PRP4K: variants seen among roughly 807,000 people sequenced by gnomAD.
PRP4K encodes pre-mRNA processing factor kinase PRP4K, also known as serine/threonine-protein kinase PRP4 homolog.
the PRP4K span, among the ~76,000 whole-genome samples, chr6:4,047,890 T>C: frequency 8.6e-6 from 1 of 116,466 alleles, no homozygotes; most frequent in African/African-American, 3.2e-5. Flanking sequence ...AGATAAATAG[T>C]CATGTATATG....
chr6:4,054,488 C>T, the PRP4K span, among the ~76,000 whole-genome samples: 4 of 151,914 alleles, frequency 2.6e-5, no homozygotes, highest in Non-Finnish European at 5.9e-5. Context: ...ATTTGTGTGG[C>T]CAATTTCATA....
chr6:4,049,667 T>C, the PRP4K span: 2 of 1,479,902 alleles, frequency 1.4e-6, no homozygotes, highest in Middle Eastern at 2.5e-4. Flanking sequence ...GACTGCACTG[T>C]GTTTCCTACT....
chr6:4,047,093 C>G, the PRP4K span: 4 of 1,210,030 alleles, frequency 3.3e-6, no homozygotes, highest in Non-Finnish European at 4.9e-6. Flanking sequence ...GTTTGAATTA[C>G]TATTAATGAC....
the PRP4K span, among the ~76,000 whole-genome samples, chr6:4,047,844 G>A: frequency 6.6e-6 from 1 of 151,498 alleles, no homozygotes. Flanking sequence ...AGGAGGTAGA[G>A]AAGATAAATG....
the PRP4K span, among the ~76,000 whole-genome samples, chr6:4,033,623 AGAGT>A: frequency 6.6e-6 from 1 of 152,286 alleles, no homozygotes; most frequent in East Asian, 1.9e-4. Flanking sequence ...GCTTATTAAA[AGAGT>A]ATTGGCTTAT....
the PRP4K span, among the ~76,000 whole-genome samples, chr6:4,055,366 G>T: frequency 2.0e-5 from 3 of 152,300 alleles, no homozygotes; most frequent in Middle Eastern, 3.4e-3. Flanking sequence ...GAAAAGAATA[G>T]TAATCAATGT....
chr6:4,041,561 AAAAT>A, the PRP4K span, among the ~76,000 whole-genome samples: 1 of 152,226 alleles, frequency 6.6e-6, no homozygotes, highest in Non-Finnish European at 1.5e-5. Flanking sequence ...TCAAAAAACA[AAAAT>A]AAATAAAATG....
the PRP4K span, chr6:4,043,836 T>C: frequency 6.2e-7 from 1 of 1,614,180 alleles, no homozygotes; most frequent in South Asian, 1.1e-5. Context: ...TTGCTGAAGA[T>C]AGCAACATGT....
At chr6:4,035,311 T>TTTTTTTTTTTTTTTTTTTTTTTTTTTG in the PRP4K span, among the ~76,000 whole-genome samples, 1 of 120,574 alleles carries the variant, frequency 8.3e-6, no homozygotes, top group Non-Finnish European at 1.7e-5. Flanking sequence ...TTTTTTTTTT[T>TTTTTTTTTTTTTTTTTTTTTTTTTTTG]TTTTTTGATA....
the PRP4K span, among the ~76,000 whole-genome samples, chr6:4,054,360 G>A: frequency 6.6e-6 from 1 of 151,938 alleles, no homozygotes; most frequent in African/African-American, 2.4e-5. Flanking sequence ...GTAATGAGGT[G>A]TATTCCATTT....
the PRP4K span, chr6:4,052,054 T>A: frequency 6.2e-7 from 1 of 1,602,582 alleles, no homozygotes; most frequent in Non-Finnish European, 8.5e-7. Context: ...CAGGCACTTC[T>A]ATCACAAGCA....
chr6:4,048,141 G>A, the PRP4K span, among the ~76,000 whole-genome samples: 1 of 152,096 alleles, frequency 6.6e-6, no homozygotes, highest in Non-Finnish European at 1.5e-5. Context: ...CACTTTGGGA[G>A]GCCGAGACGG....
chr6:4,042,640 T>A, the PRP4K span: 1 of 1,167,762 alleles, frequency 8.6e-7, no homozygotes, highest in Non-Finnish European at 1.2e-6. Flanking sequence ...AATGTAGCAT[T>A]AATAACAGTT....
the PRP4K span, among the ~76,000 whole-genome samples, chr6:4,060,242 G>A: frequency 6.6e-6 from 1 of 152,084 alleles, no homozygotes; most frequent in Non-Finnish European, 1.5e-5. This position sits in a 1 kb window ranked among gnomAD's most constrained non-coding sequence, Gnocchi z 4.7. Context: ...AATCTTAAGG[G>A]ACCACTGTCA....
the PRP4K span, among the ~76,000 whole-genome samples, chr6:4,048,116 C>T: frequency 6.6e-6 from 1 of 152,056 alleles, no homozygotes; most frequent in African/African-American, 2.4e-5. Flanking sequence ...CGGTGGCTCA[C>T]GCCTGTAATC....
chr6:4,027,212 G>A, the PRP4K span, among the ~76,000 whole-genome samples: 1 of 152,198 alleles, frequency 6.6e-6, no homozygotes, highest in African/African-American at 2.4e-5. Context: ...TCACTGGTTT[G>A]TTGTATGTGT....
the PRP4K span, among the ~76,000 whole-genome samples, chr6:4,051,627 T>A: frequency 6.6e-6 from 1 of 152,216 alleles, no homozygotes; most frequent in South Asian, 2.1e-4. Flanking sequence ...TGTTTTGAGA[T>A]AAAATATACA....
chr6:4,051,382 C>G, the PRP4K span, among the ~76,000 whole-genome samples: 1 of 151,934 alleles, frequency 6.6e-6, no homozygotes. Context: ...GGTGAGATCT[C>G]AGCTCAACTG....
At chr6:4,045,671 A>G in the PRP4K span, among the ~76,000 whole-genome samples, 1 of 152,234 alleles carries the variant, frequency 6.6e-6, no homozygotes, top group Non-Finnish European at 1.5e-5. Flanking sequence ...CAGATAGGTT[A>G]TCTTGAAACT....
Sources: allele counts gnomAD v4.1 joint callset (sites outside exome capture counted in the v4.1 genomes callset), GRCh38; gene constraint gnomAD v4.1.1; non-coding constraint Gnocchi (gnomAD v3.1); transcripts MANE v1.5; gene names NCBI Gene and HGNC (gene_info 2026-07-23, HGNC 2026-07-21).